NOTCH2NLC: variants seen among roughly 807,000 people sequenced by gnomAD.
The protein encoded by NOTCH2NLC is notch 2 N-terminal like C, also known as notch homolog 2 N-terminal-like protein C.
In NOTCH2NLC, 4 loss-of-function variants were observed where a neutral mutation model predicts 17.7. That is an observed-to-expected ratio of 0.23 (90% CI 0.11 to 0.52). NOTCH2NLC has a LOEUF of 0.52. NOTCH2NLC is among the 20% of genes least tolerant of loss of function. The pLI is 0.96. For synonymous variants in NOTCH2NLC, 18 were observed against 86.0 expected, an observed-to-expected ratio of 0.21 and a Z score of 4.38; for missense variants, 57 against 207.2, an observed-to-expected ratio of 0.28 and a Z score of 4.45.
chr1:149,423,749 A>G (rs1257690422), intron 1 of NOTCH2NLC, among the ~76,000 whole-genome samples: 11 of 148,446 alleles, frequency 7.4e-5, no homozygotes, highest in Non-Finnish European at 1.5e-4. Flanking sequence ...AGACATTAAA[A>G]TACCTTCCGA....
chr1:149,426,547 T>TG (rs2084413812), intron 1 of NOTCH2NLC, among the ~76,000 whole-genome samples: 1 of 139,898 alleles, frequency 7.1e-6, no homozygotes, highest in African/African-American at 2.6e-5. Context: ...GATGGAGTGA[T>TG]GAGATTGAAA....
At chr1:149,460,651 T>C (rs2084639084) in intron 3 of NOTCH2NLC, among the ~76,000 whole-genome samples, 2 of 149,160 alleles carry the variant, frequency 1.3e-5, no homozygotes, top group African/African-American at 2.5e-5. Context: ...CTGATCATCT[T>C]TTATACATAT....
rs2084702366 is a variant in NOTCH2NLC at position 149,469,042 on chromosome 1, G to T, written c.*4889G>T. Among the ~76,000 whole-genome samples the T allele has an allele frequency of 8.9e-6, 1 of 112,610 alleles. No individual in the cohort carries two copies. The highest frequency in any genetic ancestry group is 3.4e-5 in the African/African-American group (1 of 29,160). 73.9% of individuals were successfully genotyped at this position (112,610 alleles called of 152,430 possible). ...TGCAATGGTGCTATCTCGGCTCACT[G>T]CAACCTCCACCTCCCGGGTTCAAGC... On this transcript the variant is annotated 3_prime_UTR_variant, in exon 5 of 5. Transcript: ENST00000650865.
rs1340293240 is a variant in NOTCH2NLC at position 149,430,778 on chromosome 1, T to C, written c.136-164T>C. On this transcript the variant is annotated intron_variant, in intron 1 of 4. Transcript: ENST00000650865. ...AAGATAGTTTTGGGATGGGCTTCTG[T>C]GCTAGAAGCCAAAACATAAAAAACT... 4.7e-5 allele frequency among the ~76,000 whole-genome samples: 7 copies of C among 148,180 alleles called. 1 individual carries two copies. Among genetic ancestry groups the C allele is most frequent in the Non-Finnish European group, 1.1e-4 (7 of 66,592 alleles).
rs1324748465 is a variant in NOTCH2NLC, at chr1:149,420,159, C to T, written c.136-10783C>T. Among the ~76,000 whole-genome samples the T allele has an allele frequency of 2.1e-4, 31 of 150,426 alleles. 3 individuals carry two copies. The highest frequency in any genetic ancestry group is 1.5e-3 in the Admixed American group (22 of 15,036). ...TGCTGGGATTAAAGACATGAGCCACCGTGCCTGGCCGTTTAGGGCTATATT... is the reference window on the plus strand; with the variant it reads ...TGCTGGGATTAAAGACATGAGCCACTGTGCCTGGCCGTTTAGGGCTATATT... On this transcript the variant is annotated intron_variant, in intron 1 of 4. Coordinates refer to ENST00000650865, the MANE Select transcript of NOTCH2NLC (RefSeq NM_001364013.2).
intron 2 of NOTCH2NLC, among the ~76,000 whole-genome samples, chr1:149,433,818 C>T (rs1254110758): frequency 2.0e-5 from 3 of 150,752 alleles, no homozygotes; most frequent in Admixed American, 6.6e-5. Context: ...CGTGGTGGCA[C>T]GCACCTGTAA....
intron 2 of NOTCH2NLC, among the ~76,000 whole-genome samples, chr1:149,449,250 C>T (rs1333456656): frequency 6.6e-6 from 1 of 150,898 alleles, no homozygotes; most frequent in Non-Finnish European, 1.5e-5. Context: ...TAATACGGCA[C>T]TGGAGCGAGT....
chr1:149,462,926 C>T (rs1178241470), intron 3 of NOTCH2NLC, among the ~76,000 whole-genome samples: 1 of 144,744 alleles, frequency 6.9e-6, no homozygotes, highest in Non-Finnish European at 1.5e-5. Context: ...ACCTCCGCCT[C>T]CTGGGTTCAA....
intron 3 of NOTCH2NLC, among the ~76,000 whole-genome samples, chr1:149,460,903 CTTTCT>C (rs2084644961): frequency 9.2e-6 from 1 of 108,270 alleles, no homozygotes; most frequent in African/African-American, 3.5e-5. Context: ...TTCTTTCTTT[CTTTCT>C]TTCTTTCTCT....
intron 2 of NOTCH2NLC, among the ~76,000 whole-genome samples, chr1:149,440,189 G>A (rs1375295145): frequency 5.3e-5 from 8 of 150,002 alleles, no homozygotes; most frequent in Non-Finnish European, 1.0e-4. Flanking sequence ...ATAATCCTGT[G>A]TGCTGAACAC....
At chr1:149,398,255 C>A (rs1364474506) in intron 1 of NOTCH2NLC, among the ~76,000 whole-genome samples, 1 of 150,392 alleles carries the variant, frequency 6.6e-6, no homozygotes, top group Non-Finnish European at 1.5e-5. Flanking sequence ...GGGGAAAAGA[C>A]AAAAACCCCT....
chr1:149,415,849 T>C (rs1352037189), intron 1 of NOTCH2NLC, among the ~76,000 whole-genome samples: 9,052 of 148,502 alleles, frequency 0.061, 503 homozygotes, highest in Middle Eastern at 0.094. Flanking sequence ...ATTTCAAAAA[T>C]TCATTTCCTC....
intron 1 of NOTCH2NLC, among the ~76,000 whole-genome samples, chr1:149,392,845 G>C (rs2084180346): frequency 6.6e-6 from 1 of 150,868 alleles, no homozygotes; most frequent in African/African-American, 2.4e-5. Flanking sequence ...GCCGAGGCGG[G>C]CGGATCACGA....
At chr1:149,448,622 C>T (rs1430758912) in intron 2 of NOTCH2NLC, among the ~76,000 whole-genome samples, 4 of 150,826 alleles carry the variant, frequency 2.7e-5, no homozygotes, top group Admixed American at 6.6e-5. Flanking sequence ...TGCGCTCTCA[C>T]GATGCCTTCT....
chr1:149,419,838 G>A (rs1254160274), intron 1 of NOTCH2NLC, among the ~76,000 whole-genome samples: 3 of 130,630 alleles, frequency 2.3e-5, no homozygotes, highest in South Asian at 5.4e-4. Context: ...TTGAAGTTCA[G>A]GAATATATAT....
intron 1 of NOTCH2NLC, among the ~76,000 whole-genome samples, chr1:149,430,426 A>G (rs2084441442): frequency 7.0e-6 from 1 of 143,578 alleles, no homozygotes; most frequent in Non-Finnish European, 1.5e-5. Context: ...TGCCTGGTGC[A>G]TACTAGGCTC....
At chr1:149,455,867 A>C (rs2084614034) in intron 3 of NOTCH2NLC, among the ~76,000 whole-genome samples, 1 of 150,140 alleles carries the variant, frequency 6.7e-6, no homozygotes, top group African/African-American at 2.4e-5. Flanking sequence ...TTGGCAGGCC[A>C]AGGCAGGAGG....
intron 1 of NOTCH2NLC, among the ~76,000 whole-genome samples, chr1:149,416,651 CTA>C (rs2084336818): frequency 7.3e-6 from 1 of 136,698 alleles, no homozygotes; most frequent in Non-Finnish European, 1.6e-5. Flanking sequence ...TGTTGCTACT[CTA>C]TTATTGAGAA....
At chr1:149,445,723 C>T (rs2084547384) in intron 2 of NOTCH2NLC, among the ~76,000 whole-genome samples, 1 of 149,530 alleles carries the variant, frequency 6.7e-6, no homozygotes, top group Admixed American at 6.6e-5. Flanking sequence ...AGCTGCAGTG[C>T]CGACGCAACC....
Sources: allele counts gnomAD v4.1 joint callset (sites outside exome capture counted in the v4.1 genomes callset), GRCh38; gene constraint gnomAD v4.1.1; transcripts MANE v1.5; gene names NCBI Gene and HGNC (gene_info 2026-07-23, HGNC 2026-07-21).